The following HMGA2 variants were observed in gnomAD, a reference collection of about 807,000 sequenced individuals.
HMGA2 encodes the protein high mobility group protein HMGI-C.
In HMGA2, 8 loss-of-function variants were observed where a neutral mutation model predicts 19.1. The ratio of observed to expected loss-of-function variants is 0.42; its 90% confidence interval spans 0.25 to 0.76. The LOEUF (loss-of-function observed/expected upper bound fraction) is 0.76, where lower values mean the gene tolerates loss of function less well. HMGA2 is among the 30% of genes least tolerant of loss of function. The probability of loss-of-function intolerance (pLI) is 0.28; values close to 1 mark genes in which losing one functional copy is unlikely to be tolerated. For synonymous variants in HMGA2, 60 were observed against 48.8 expected (o/e 1.23, Z -0.96); for missense variants, 109 against 136.3 (o/e 0.80, Z 1.00).
intron 2 of HMGA2, among the ~76,000 whole-genome samples, chr12:65,836,499 T>A (rs1870735426): frequency 1.3e-5 from 2 of 152,092 alleles, no homozygotes; most frequent in African/African-American, 4.8e-5. Context: ...AGGAGTCATC[T>A]CCATTGCACG....
chr12:65,901,905 G>C (rs1027242349), intron 3 of HMGA2, among the ~76,000 whole-genome samples: 1 of 152,046 alleles, frequency 6.6e-6, no homozygotes, highest in Non-Finnish European at 1.5e-5. Flanking sequence ...TAAGAAACAC[G>C]ATCTCCACCA....
At chr12:65,869,038 C>A (rs2121024157) in intron 3 of HMGA2, among the ~76,000 whole-genome samples, 1 of 152,310 alleles carries the variant, frequency 6.6e-6, no homozygotes, top group Non-Finnish European at 1.5e-5. Context: ...TAAGCCGCTA[C>A]ACTTTCTTGG....
intron 3 of HMGA2, among the ~76,000 whole-genome samples, chr12:65,886,885 C>G (rs1873680993): frequency 6.6e-6 from 1 of 152,202 alleles, no homozygotes; most frequent in African/African-American, 2.4e-5. Flanking sequence ...TTTCAAGGCA[C>G]AGTCTATAGA....
intron 2 of HMGA2, among the ~76,000 whole-genome samples, chr12:65,838,006 A>G (rs1196366214): frequency 6.6e-6 from 1 of 152,162 alleles, no homozygotes; most frequent in Non-Finnish European, 1.5e-5. Flanking sequence ...ATGCTTGTGT[A>G]TTCTTTTTCA....
At chr12:65,841,942 A>G (rs1871016484) in intron 3 of HMGA2, among the ~76,000 whole-genome samples, 1 of 152,028 alleles carries the variant, frequency 6.6e-6, no homozygotes, top group South Asian at 2.1e-4. Flanking sequence ...GAGTGTGTTA[A>G]CTAGATTTGC....
chr12:65,923,899 A>T (rs912716591), intron 3 of HMGA2, among the ~76,000 whole-genome samples: 1 of 152,094 alleles, frequency 6.6e-6, no homozygotes, highest in Non-Finnish European at 1.5e-5. Flanking sequence ...AATCCCAGCT[A>T]CTCGGGGGCT....
chr12:65,833,648 C>T (rs1870572141), intron 2 of HMGA2, among the ~76,000 whole-genome samples: 1 of 152,040 alleles, frequency 6.6e-6, no homozygotes, highest in South Asian at 2.1e-4. Context: ...GATTTTCACC[C>T]TAGAAGGTTA....
At position 65,825,483 on chromosome 12, in the gene HMGA2, G is replaced by T; in HGVS notation, c.111+102G>T. 1.3e-6 allele frequency: 1 copy of T among 745,140 alleles called. No homozygotes were observed. The highest frequency in any genetic ancestry group is 1.9e-6 in the Non-Finnish European group (1 of 534,536). 46.2% of individuals were successfully genotyped at this position (745,140 alleles called of 1,614,324 possible). On this transcript the variant is annotated intron_variant, in intron 1 of 4. Transcript: ENST00000403681. This position sits in a 1 kb window ranked among gnomAD's most constrained non-coding sequence, Gnocchi z 4.4. The stretch of plus-strand genomic sequence containing the variant: ...GGAGTGCGGGAGCCCAGTCGCCGCG[G>T]CCGTCGCACACTGCCCGCCGGCCGG...
chr12:65,939,681 T>C (rs915178698), intron 3 of HMGA2, among the ~76,000 whole-genome samples: 12 of 152,228 alleles, frequency 7.9e-5, no homozygotes, highest in Admixed American at 3.3e-4. Flanking sequence ...ATGAAGTCTT[T>C]TAAATGACTT....
chr12:65,949,821 T>C (rs1197291507), intron 3 of HMGA2, among the ~76,000 whole-genome samples: 2 of 152,190 alleles, frequency 1.3e-5, no homozygotes, highest in Non-Finnish European at 2.9e-5. Flanking sequence ...GGGACTTGAA[T>C]GCAAAACATT....
At chr12:65,906,676 A>G (rs981130309) in intron 3 of HMGA2, among the ~76,000 whole-genome samples, 6 of 152,300 alleles carry the variant, frequency 3.9e-5, no homozygotes, top group Middle Eastern at 3.4e-3. Context: ...GGCTGGTGGT[A>G]CCCACTAGAA....
intron 3 of HMGA2, among the ~76,000 whole-genome samples, chr12:65,938,426 G>C (rs1170266521): frequency 6.6e-6 from 1 of 152,114 alleles, no homozygotes; most frequent in African/African-American, 2.4e-5. Flanking sequence ...TTTATCTACA[G>C]TCTTACAAAT....
At chr12:65,898,134 G>A (rs1177970921) in intron 3 of HMGA2, among the ~76,000 whole-genome samples, 2 of 151,986 alleles carry the variant, frequency 1.3e-5, no homozygotes, top group African/African-American at 4.8e-5. Context: ...TAACAAACAG[G>A]ACACCAGGCT....
chr12:65,939,898 A>G (rs1022087563), intron 3 of HMGA2, among the ~76,000 whole-genome samples: 1 of 152,346 alleles, frequency 6.6e-6, no homozygotes, highest in East Asian at 1.9e-4. Context: ...GGCCTACATC[A>G]TTATGGGAAA....
intron 3 of HMGA2, among the ~76,000 whole-genome samples, chr12:65,860,566 T>G (rs561582389): frequency 3.5e-4 from 54 of 152,376 alleles, no homozygotes; most frequent in African/African-American, 1.3e-3. Context: ...TTTTGCATTT[T>G]CTTCAAAACC....
At chr12:65,886,657 G>GAA (rs1873672012) in intron 3 of HMGA2, among the ~76,000 whole-genome samples, 1 of 152,056 alleles carries the variant, frequency 6.6e-6, no homozygotes. Context: ...ACGCCCGGCG[G>GAA]GGAGCTTCTT....
intron 3 of HMGA2, chr12:65,881,486 T>A: frequency 1.8e-6 from 1 of 545,506 alleles, no homozygotes; most frequent in Non-Finnish European, 3.3e-6. Context: ...TATGAAGCAA[T>A]CTTGCTTAAT....
At chr12:65,855,601 T>A (rs1158969909) in intron 3 of HMGA2, among the ~76,000 whole-genome samples, 1 of 151,978 alleles carries the variant, frequency 6.6e-6, no homozygotes, top group East Asian at 1.9e-4. Flanking sequence ...TTGCAAACAG[T>A]TCAAACTGTG....
At chr12:65,855,253 T>C (rs746951509) in intron 3 of HMGA2, among the ~76,000 whole-genome samples, 77 of 152,180 alleles carry the variant, frequency 5.1e-4, no homozygotes, top group Non-Finnish European at 1.0e-3. Flanking sequence ...GAGAAAACTG[T>C]CCTGTTAATT....
Sources: gnomAD v4.1 joint callset for allele counts (sites outside exome capture counted in the v4.1 genomes callset) on GRCh38, gnomAD v4.1.1 for gene constraint, Gnocchi (gnomAD v3.1) non-coding constraint, MANE v1.5 for transcripts, NCBI Gene and HGNC (gene_info 2026-07-23, HGNC 2026-07-21) for gene names.